Variants in RFC2 observed in about 807,000 individuals in gnomAD.
RFC2 encodes the protein replication factor C subunit 2.
A neutral mutation model predicts 44.8 loss-of-function variants in RFC2; 34 were observed. The observed-to-expected ratio is 0.76, with a 90% CI of 0.58 to 1.01. RFC2 has a LOEUF of 1.01. RFC2 is among the 50% of genes least tolerant of loss of function. The probability of loss-of-function intolerance (pLI) is 0.00; values close to 1 mark genes in which losing one functional copy is unlikely to be tolerated. For missense variants in RFC2, 400 were observed against 453.6 expected, an observed-to-expected ratio of 0.88 and a Z score of 1.07; for synonymous variants, 177 against 168.9, an observed-to-expected ratio of 1.05 and a Z score of -0.37.
intron 2 of RFC2, among the ~76,000 whole-genome samples, chr7:74,251,986 T>C (rs1354562003): frequency 5.3e-5 from 7 of 132,042 alleles, no homozygotes; most frequent in South Asian, 2.4e-4. Context: ...GTAGTCCCAG[T>C]TACTCCGGAG....
chr7:74,246,834 CA>C (rs1803639318), intron 4 of RFC2, 71 bp from the exon 5 acceptor site: 1 of 1,035,012 alleles, frequency 9.7e-7, no homozygotes, highest in East Asian at 2.4e-5. Context: ...GACTTTTAAA[CA>C]ATCGGTATAT....
chr7:74,240,618 T>G (rs1203685350), intron 6 of RFC2, among the ~76,000 whole-genome samples: 1 of 151,974 alleles, frequency 6.6e-6, no homozygotes, highest in Non-Finnish European at 1.5e-5. Context: ...CCACATGGCC[T>G]TGGCTAGCCA....
rs1554720046 is a variant in RFC2, at chr7:74,246,609, C to T, written c.434+53G>A. ...GCTTTTTATCCTGATTGAATAAAAC[C>T]GAAAAAGAGATTTAGAGATCAAGGT... On this transcript the variant is annotated intron_variant, in intron 5 of 10. Transcript: ENST00000055077. 9 of 1,253,480 alleles carry T rather than the reference C, an allele frequency of 7.2e-6. No individual in the cohort carries two copies. In the African/African-American group the frequency reaches 7.6e-5, roughly 11 times the overall value. 77.6% of individuals were successfully genotyped at this position (1,253,480 alleles called of 1,614,324 possible). A position where few individuals can be genotyped will look rare whatever the true frequency, so the allele number is the denominator to read the frequency against.
intron 7 of RFC2, 29 bp downstream of exon 7, chr7:74,239,909 C>A (rs782461053): frequency 4.5e-6 from 7 of 1,561,344 alleles, no homozygotes; most frequent in Non-Finnish European, 6.1e-6. Context: ...CACAGGATGC[C>A]CACGCCTGAA....
Position 74,239,994 on chromosome 7 carries a change from A to T in RFC2, c.637T>A (p.Tyr213Asn). Residue 213 changes from tyrosine to asparagine, a missense_variant, in exon 7 of 11, where the codon TAC becomes AAC. Tyr to Asn is a moderately radical substitution (Grantham distance 143, BLOSUM62 -2). Transcript: ENST00000055077. ...MNVIEKERVPYTDDGLEAIIF... is the reference protein window; with the variant it reads ...MNVIEKERVPNTDDGLEAIIF... ...ATGGCTTCTAGGCCGTCATCAGTGT[A>T]GGGTACCCTCTCCTTCTCGATAACA... The T allele has an allele frequency of 6.2e-7, 1 of 1,613,610 alleles. No individual in the cohort carries two copies. Among genetic ancestry groups the T allele is most frequent in the Non-Finnish European group, 8.5e-7 (1 of 1,179,810 alleles).
chr7:74,249,237 G>A (rs1563998938), intron 3 of RFC2, 119 bp from the exon 4 acceptor site: 3 of 1,548,532 alleles, frequency 1.9e-6, no homozygotes, highest in African/African-American at 2.7e-5. Context: ...TCCACCCACA[G>A]CACACACAGA....
chr7:74,243,804 T>A (rs1046007179), intron 5 of RFC2, among the ~76,000 whole-genome samples: 1 of 147,468 alleles, frequency 6.8e-6, no homozygotes, highest in East Asian at 2.1e-4. Context: ...CTACAAAAAA[T>A]TTTAAAAAAT....
rs1354123696 is a variant in RFC2, at chr7:74,231,790, C to CT, written c.*315dup. 1 of 199,648 alleles carries CT rather than the reference C, an allele frequency of 5.0e-6. No homozygotes were observed. Among genetic ancestry groups the CT allele is most frequent in the Non-Finnish European group, 1.0e-5 (1 of 96,640 alleles). 12.4% of individuals were successfully genotyped at this position (199,648 alleles called of 1,614,324 possible). ...CACCTCCTGGGTTCAAGCGATTCTC[C>CT]TGCCACAGCCTCCCGAGTAGCTGGG... On this transcript the variant is annotated 3_prime_UTR_variant, in exon 11 of 11. Transcript: ENST00000055077.
intron 10 of RFC2, among the ~76,000 whole-genome samples, chr7:74,234,927 A>G (rs1435546639): frequency 5.3e-5 from 8 of 152,112 alleles, no homozygotes; most frequent in Non-Finnish European, 1.2e-4. Context: ...GTATTCCTTT[A>G]TAGTAACTCA....
rs1554720731 is a variant in RFC2 at position 74,249,731 on chromosome 7, G to A, written c.225+8C>T. On this transcript the variant is annotated splice_region_variant and intron_variant, in intron 3 of 10. Coordinates refer to ENST00000055077, the MANE Select transcript of RFC2 (RefSeq NM_181471.3). ...AGACACTCAACAGGCCCAGGGCTGGGTACTCACCGCAATGATGATGTTGGG... is the reference window on the plus strand; with the variant it reads ...AGACACTCAACAGGCCCAGGGCTGGATACTCACCGCAATGATGATGTTGGG... 3 of 1,611,996 alleles carry A rather than the reference G, an allele frequency of 1.9e-6. No homozygotes were observed. The highest frequency in any genetic ancestry group is 2.5e-6 in the Non-Finnish European group (3 of 1,178,262).
At chr7:74,248,007 C>T (rs1584261990) in intron 4 of RFC2, among the ~76,000 whole-genome samples, 1 of 152,074 alleles carries the variant, frequency 6.6e-6, no homozygotes, top group Non-Finnish European at 1.5e-5. Context: ...GTCACCTAGG[C>T]TGGTCTCAAA....
In RFC2 at chr7:74,235,939, A is replaced by G. The variant is rs370897502; in HGVS notation, c.841-294T>C. Among the ~76,000 whole-genome samples the G allele has an allele frequency of 5.9e-5, 9 of 152,328 alleles. No homozygotes were observed. The South Asian group carries it at 8.3e-4, about 14-fold the overall frequency. On this transcript the variant is annotated intron_variant, in intron 9 of 10. Coordinates refer to ENST00000055077, the MANE Select transcript of RFC2 (RefSeq NM_181471.3). Reference sequence around the variant, plus strand: ...CTCCAAAAGTGCTGGGATTACAGGCATGAGCCACTGAGCCCAGCCTATCGC... The same window carrying G: ...CTCCAAAAGTGCTGGGATTACAGGCGTGAGCCACTGAGCCCAGCCTATCGC...
intron 6 of RFC2, among the ~76,000 whole-genome samples, chr7:74,241,748 C>T (rs945768568): frequency 1.3e-5 from 2 of 152,116 alleles, no homozygotes; most frequent in African/African-American, 2.4e-5. Context: ...CCACTTGAGG[C>T]CAGGCGTTCT....
chr7:74,247,359 T>C (rs1320359283), intron 4 of RFC2, among the ~76,000 whole-genome samples: 1 of 152,148 alleles, frequency 6.6e-6, no homozygotes, highest in Non-Finnish European at 1.5e-5. Flanking sequence ...AACTGCAATG[T>C]AGGCCAAGCA....
At chr7:74,240,340 A>G (rs1563990476) in intron 6 of RFC2, among the ~76,000 whole-genome samples, 1 of 152,024 alleles carries the variant, frequency 6.6e-6, no homozygotes, top group African/African-American at 2.4e-5. Flanking sequence ...CATCTCTACT[A>G]AAAATACAAA....
At chr7:74,249,663 G>T in intron 3 of RFC2, 76 bp downstream of exon 3, 1 of 1,236,302 alleles carries the variant, frequency 8.1e-7, no homozygotes, top group Non-Finnish European at 1.2e-6. Flanking sequence ...AGGCAGCGCT[G>T]TGCACAAGAA....
At chr7:74,242,121 TGA>T (rs782239116) in intron 6 of RFC2, among the ~76,000 whole-genome samples, 5 of 152,148 alleles carry the variant, frequency 3.3e-5, no homozygotes, top group Non-Finnish European at 5.9e-5. Context: ...CTGCAGGATT[TGA>T]GAGAGGAGCT....
Position 74,249,739 on chromosome 7 carries a change from C to T in RFC2, c.225G>A (p.Ala75=), listed in dbSNP as rs201725860. ...REGNVPNIII[A]GPPGTGKTTS... is the part of the protein sequence containing the mutation. ...AACAGGCCCAGGGCTGGGTACTCAC[C>T]GCAATGATGATGTTGGGCACATTTC... Residue 75 remains alanine (A), a splice_region_variant and synonymous_variant, in exon 3 of 11, where the codon GCG becomes GCA. Coordinates refer to ENST00000055077, the MANE Select transcript of RFC2 (RefSeq NM_181471.3). 18 of 1,612,872 alleles carry T rather than the reference C, an allele frequency of 1.1e-5. No homozygotes were observed. The highest frequency in any genetic ancestry group is 9.4e-5 in the African/African-American group (7 of 74,824).
intron 5 of RFC2, among the ~76,000 whole-genome samples, chr7:74,245,714 C>CGAAAA (rs1803565443): frequency 1.5e-5 from 1 of 65,868 alleles, no homozygotes; most frequent in African/African-American, 5.0e-5. Context: ...CTCCGTCTCA[C>CGAAAA]AAAAAAAAAA....
Sources: allele counts gnomAD v4.1 joint callset (sites outside exome capture counted in the v4.1 genomes callset), GRCh38; gene constraint gnomAD v4.1.1; transcripts MANE v1.5; gene names NCBI Gene and HGNC (gene_info 2026-07-23, HGNC 2026-07-21).